The following UBA1 variants were observed in gnomAD, a reference collection of about 807,000 sequenced individuals.
UBA1 encodes ubiquitin-like modifier-activating enzyme 1.
UBA1 carries 4 observed loss-of-function variants against 84.7 expected under a neutral mutation model. That is an observed-to-expected ratio of 0.05 (90% CI 0.02 to 0.11). The LOEUF (loss-of-function observed/expected upper bound fraction) is 0.11. Ranked by LOEUF, UBA1 falls within the 10% of genes least tolerant of loss-of-function variation. UBA1 has a pLI of 1.00. For missense variants in UBA1, 513 were observed against 902.8 expected (o/e 0.57, Z 5.53); for synonymous variants, 364 against 362.6 (o/e 1.00, Z -0.04).
At chrX:47,202,898 C>T (rs1556788906) in intron 11 of UBA1, 45 bp from the exon 12 acceptor site, 4 of 1,201,303 alleles carry the variant, frequency 3.3e-6, no homozygotes, top group Non-Finnish European at 4.5e-6. Flanking sequence ...TGTGTCAGGC[C>T]CCTGTTAACC....
intron 20 of UBA1, 143 bp from the exon 21 acceptor site, chrX:47,212,281 T>G: frequency 2.0e-6 from 1 of 491,403 alleles, no homozygotes; most frequent in Non-Finnish European, 3.7e-6. Context: ...CTCTCCTCCT[T>G]GCCCCTTTTC....
At chrX:47,191,317 C>G (rs782593713), upstream of UBA1, 1 of 111,712 alleles carries the variant, frequency 9.0e-6, no homozygotes, top group African/African-American at 3.3e-5. Flanking sequence ...TGTTTCAGGA[C>G]GGGGTCCTGG....
chrX:47,201,725 C>A, intron 8 of UBA1, 115 bp downstream of exon 8: 1 of 911,554 alleles, frequency 1.1e-6, no homozygotes, highest in Non-Finnish European at 1.6e-6. Context: ...GAAGACACAT[C>A]CTGGTGTTTG....
Position 47,198,792 on chromosome X carries a change from T to C in UBA1, c.1-11T>C. On this transcript the variant is annotated splice_polypyrimidine_tract_variant and intron_variant, in intron 1 of 25. Transcript: ENST00000335972. ...TGCTCCAGGGTCACCTCTGACCTTT[T>C]TTTCCTCCAGATGTCCAGCTCGCCG... The C allele has an allele frequency of 8.3e-7, 1 of 1,210,746 alleles. No individual in the cohort carries two copies. Among genetic ancestry groups the C allele is most frequent in the Non-Finnish European group, 1.1e-6 (1 of 894,701 alleles).
chrX:47,206,469 A>G (rs1936678800), intron 16 of UBA1, 25 bp downstream of exon 16: 2 of 1,205,429 alleles, frequency 1.7e-6, no homozygotes, highest in African/African-American at 1.7e-5. Context: ...GAGAAGGGAA[A>G]GAGGCCAGGC....
In UBA1 at chrX:47,199,518, C is replaced by T. The variant is rs782618684; in HGVS notation, c.384C>T (p.Ala128=). 5.0e-6 allele frequency: 6 copies of T among 1,209,968 alleles called. No individual in the cohort carries two copies. Among genetic ancestry groups the T allele is most frequent in the Admixed American group, 4.4e-5 (2 of 45,805 alleles). Residue 128 remains alanine (A), a synonymous_variant, in exon 5 of 26, where the codon GCC becomes GCT. Transcript: ENST00000335972. ...AGGAGGACATCGGTAAAAACCGGGC[C>T]GAGGTATCACAGCCCCGCCTCGCTG... ...LREEDIGKNR[A]EVSQPRLAEL...
intron 1 of UBA1, chrX:47,197,943 A>T (rs1936262221): frequency 1.2e-6 from 1 of 824,818 alleles, no homozygotes; most frequent in African/African-American, 2.1e-5. Flanking sequence ...AGAAGTGCTT[A>T]CTATGGCATC....
chrX:47,201,534 G>A lies in UBA1; in HGVS notation c.735G>A (p.Gly245=). The A allele has an allele frequency of 1.7e-6, 2 of 1,211,884 alleles. No individual in the cohort carries two copies. Among genetic ancestry groups the A allele is most frequent in the African/African-American group, 1.7e-5 (1 of 57,801 alleles). ...LDEARHGFES[G]DFVSFSEVQG... is the part of the protein sequence containing the mutation. Reference sequence around the variant, plus strand: ...AGGCCCGACACGGGTTTGAGAGCGGGGACTTTGTCTCCTTTTCAGAAGTAC... The same window carrying A: ...AGGCCCGACACGGGTTTGAGAGCGGAGACTTTGTCTCCTTTTCAGAAGTAC... Residue 245 remains glycine (G), a synonymous_variant, in exon 8 of 26, where the codon GGG becomes GGA. Transcript: ENST00000335972.
intron 14 of UBA1, chrX:47,205,731 G>A: frequency 2.2e-6 from 1 of 457,335 alleles, no homozygotes. Flanking sequence ...GCACACACCT[G>A]TGGTCCCAGC....
chrX:47,209,414 A>T lies in UBA1; in HGVS notation c.1939-209A>T, dbSNP rs1374198499. On this transcript the variant is annotated intron_variant, in intron 16 of 25. Coordinates refer to ENST00000335972, the MANE Select transcript of UBA1 (RefSeq NM_003334.4). ...GGTGATCCATCTGCCTTAGCCTCCC[A>T]AAGTGCTGGGATTACAGGTGTGAGC... is the stretch of plus-strand genomic sequence containing the variant. 1.4e-5 allele frequency: 7 copies of T among 517,265 alleles called. No homozygotes were observed. In the Admixed American group the frequency reaches 1.9e-4, roughly 14 times the overall value. 42.6% of individuals were successfully genotyped at this position (517,265 alleles called of 1,213,427 possible).
At chrX:47,202,305 C>A (rs908543122) in intron 9 of UBA1, 52 bp downstream of exon 9, 8 of 1,206,194 alleles carry the variant, frequency 6.6e-6, no homozygotes, top group African/African-American at 1.8e-5. Flanking sequence ...CTAGGCATTC[C>A]CTAGTTCTCC....
intron 23 of UBA1, among the ~76,000 whole-genome samples, chrX:47,213,430 C>T (rs868976821): frequency 1.5e-4 from 17 of 112,413 alleles, no homozygotes; most frequent in African/African-American, 5.5e-4. Context: ...TGGACGCTTC[C>T]TACACTTAAG....
chrX:47,196,959 G>A, intron 1 of UBA1: 1 of 271,209 alleles, frequency 3.7e-6, no homozygotes, highest in African/African-American at 2.9e-5. Context: ...GCCCCTTGAA[G>A]ACAGTTTCAT....
At chrX:47,209,774 A>G in intron 17 of UBA1, 87 bp downstream of exon 17, 1 of 1,100,540 alleles carries the variant, frequency 9.1e-7, no homozygotes, top group East Asian at 3.0e-5. Context: ...AACACTTGGC[A>G]CCAGGCACAC....
intron 18 of UBA1, 143 bp from the exon 19 acceptor site, chrX:47,210,699 T>A: frequency 1.7e-6 from 1 of 572,296 alleles, no homozygotes; most frequent in East Asian, 3.6e-5. Flanking sequence ...GTTGAGGTAT[T>A]TTGTGATTGG....
chrX:47,195,284 A>G (rs1182337736), intron 1 of UBA1, among the ~76,000 whole-genome samples: 7 of 109,325 alleles, frequency 6.4e-5, no homozygotes, highest in Admixed American at 9.7e-5. Context: ...TTGTTTCACT[A>G]TGTCGTCCAG....
Position 47,205,971 on chromosome X carries a change from T to C in UBA1, c.1599T>C (p.Ala533=), listed in dbSNP as rs1556790776. Residue 533 remains alanine, a synonymous_variant, in exon 15 of 26, where the codon GCT becomes GCC. Coordinates refer to ENST00000335972, the MANE Select transcript of UBA1 (RefSeq NM_003334.4). ...DVTKLKSDTA[A]AAVRQMNPHI... ...AGAAGTTAAAGTCTGACACGGCTGCTGCAGCTGTGCGCCAAATGAATCCAC... is the reference window on the plus strand; with the variant it reads ...AGAAGTTAAAGTCTGACACGGCTGCCGCAGCTGTGCGCCAAATGAATCCAC... The C allele has an allele frequency of 8.3e-7, 1 of 1,204,584 alleles. No homozygotes were observed. Among genetic ancestry groups the C allele is most frequent in the Non-Finnish European group, 1.1e-6 (1 of 891,719 alleles).
Position 47,198,106 on chromosome X carries a change from A to G in UBA1, c.1-697A>G, listed in dbSNP as rs782561987. 4.4e-5 allele frequency: 40 copies of G among 906,774 alleles called. 1 individual carries two copies. In the East Asian group the frequency reaches 2.5e-3, roughly 56 times the overall value. 74.7% of individuals were successfully genotyped at this position (906,774 alleles called of 1,213,427 possible). The stretch of plus-strand genomic sequence containing the variant: ...TGGTCTGTGTCGGTTTTCCCCTCCC[A>G]AAGCTGGGGGCAGGGTTGGGCTTTA... On this transcript the variant is annotated intron_variant, in intron 1 of 25. Coordinates refer to ENST00000335972, the MANE Select transcript of UBA1 (RefSeq NM_003334.4).
At chrX:47,205,084 G>A (rs1556790188) in intron 14 of UBA1, 3 of 143,173 alleles carry the variant, frequency 2.1e-5, no homozygotes, top group Admixed American at 7.9e-5. Context: ...GATGACAATG[G>A]TTAAGGAAGG....
Sources: allele counts gnomAD v4.1 joint callset (sites outside exome capture counted in the v4.1 genomes callset), GRCh38; gene constraint gnomAD v4.1.1; transcripts MANE v1.5; gene names NCBI Gene and HGNC (gene_info 2026-07-23, HGNC 2026-07-21).